Variants in BCAR3 observed in about 807,000 individuals in gnomAD.
BCAR3 encodes BCAR3 adaptor protein, NSP family member, also known as breast cancer anti-estrogen resistance protein 3.
In BCAR3, 37 loss-of-function variants were observed where a neutral mutation model predicts 80.1. That is an observed-to-expected ratio of 0.46 (90% CI 0.36 to 0.61). The LOEUF is 0.61. Among genes scored for constraint, BCAR3 ranks in the 20% least tolerant of loss-of-function variants. The probability of loss-of-function intolerance (pLI) is 0.00; values close to 1 mark genes in which losing one functional copy is unlikely to be tolerated. For missense variants in BCAR3, 978 were observed against 1,068.2 expected, an observed-to-expected ratio of 0.92 and a Z score of 1.18; for synonymous variants, 389 against 418.9, an observed-to-expected ratio of 0.93 and a Z score of 0.87.
Position 93,681,798 on chromosome 1 carries a change from C to G in BCAR3, c.-212G>C, listed in dbSNP as rs902616811. ...CGCCCCGCAGCTCCGGCTCCGGTCC[C>G]GGCCCCGTCCCCCGCCCGGCCAGCA... On this transcript the variant is annotated 5_prime_UTR_variant, in exon 1 of 12. Coordinates refer to ENST00000260502, the MANE Select transcript of BCAR3 (RefSeq NM_003567.4). The G allele has an allele frequency of 3.9e-5, 6 of 152,106 alleles. No individual in the cohort carries two copies. In the East Asian group the frequency reaches 1.2e-3, roughly 29 times the overall value. The allele number at this position is 152,106 out of a possible 1,614,324, so 9.4% of individuals were successfully genotyped here.
At chr1:93,564,116 ATGCCTTC>A (rs1300902024) in intron 11 of BCAR3, among the ~76,000 whole-genome samples, 1 of 151,880 alleles carries the variant, frequency 6.6e-6, no homozygotes, top group Non-Finnish European at 1.5e-5. Context: ...TGTCATTTGT[ATGCCTTC>A]TCTGATGTAG....
At chr1:93,828,123 C>T (rs926649272) in intron 2 of BCAR3, among the ~76,000 whole-genome samples, 11 of 152,142 alleles carry the variant, frequency 7.2e-5, no homozygotes, top group Non-Finnish European at 1.3e-4. Flanking sequence ...CAGAGCAAGA[C>T]CCTGTCTCTA....
chr1:93,666,970 G>A (rs996684756), intron 2 of BCAR3, among the ~76,000 whole-genome samples: 5 of 152,186 alleles, frequency 3.3e-5, no homozygotes, highest in African/African-American at 1.2e-4. Flanking sequence ...AAGGAAGGAA[G>A]GAAATCCATC....
intron 2 of BCAR3, among the ~76,000 whole-genome samples, chr1:93,834,740 C>T (rs996627108): frequency 6.6e-6 from 1 of 152,226 alleles, no homozygotes; most frequent in Non-Finnish European, 1.5e-5. Context: ...TTCTTCCTCA[C>T]ATCTGATGCA....
In BCAR3 at chr1:93,592,184, G is replaced by T; in HGVS notation, c.486+81C>A. The T allele has an allele frequency of 3.8e-6, 6 of 1,572,916 alleles. No individual in the cohort carries two copies. Among genetic ancestry groups the T allele is most frequent in the Non-Finnish European group, 4.3e-6 (5 of 1,162,718 alleles). On this transcript the variant is annotated intron_variant, in intron 4 of 11. Coordinates refer to ENST00000260502, the MANE Select transcript of BCAR3 (RefSeq NM_003567.4). This position sits in a 1 kb window ranked among gnomAD's most constrained non-coding sequence, Gnocchi z 4.8. ...CAGGTGCTTCCGCCCATGTGGCCTC[G>T]GAGTGGGACCCTGCGGGTCATCAAT...
At chr1:93,794,110 G>C in intron 2 of BCAR3, among the ~76,000 whole-genome samples, 1 of 22,030 alleles carries the variant, frequency 4.5e-5, no homozygotes, top group Non-Finnish European at 6.7e-5. Flanking sequence ...GTGGTGTGGT[G>C]CTGAAAAAAA....
chr1:93,582,183 G>T, intron 7 of BCAR3, 118 bp downstream of exon 7: 1 of 1,305,556 alleles, frequency 7.7e-7, no homozygotes, highest in Non-Finnish European at 1.0e-6. Flanking sequence ...GGGTGAGGCA[G>T]AGTGAGGCCA....
intron 3 of BCAR3, chr1:93,599,125 T>C (rs236335): frequency 0.23 from 35,570 of 151,924 alleles, 4,496 homozygotes; most frequent in African/African-American, 0.33. Context: ...CTGTACCAAG[T>C]TGGTCCAATC....
At position 93,562,223 on chromosome 1, in the gene BCAR3, AGGT is replaced by A; in HGVS notation, c.*15_*17del. 1.3e-6 allele frequency: 2 copies of A among 1,598,152 alleles called. No homozygotes were observed. Among genetic ancestry groups the A allele is most frequent in the Middle Eastern group, 1.7e-4 (1 of 5,986 alleles). ...GGGGAAACTTGAAAAGATATTCTAA[AGGT>A]TCTCTGGAGAGTTATCAAAGCTCTG... is the stretch of plus-strand genomic sequence containing the variant. On this transcript the variant is annotated 3_prime_UTR_variant, in exon 12 of 12. Coordinates refer to ENST00000260502, the MANE Select transcript of BCAR3 (RefSeq NM_003567.4).
chr1:93,760,137 G>A (rs1357909464), intron 2 of BCAR3, among the ~76,000 whole-genome samples: 1 of 152,088 alleles, frequency 6.6e-6, no homozygotes, highest in Non-Finnish European at 1.5e-5. Flanking sequence ...AAAAGGCCAT[G>A]GTGAATGAAT....
chr1:93,671,078 C>T (rs1449354931), intron 2 of BCAR3, among the ~76,000 whole-genome samples: 1 of 152,148 alleles, frequency 6.6e-6, no homozygotes, highest in African/African-American at 2.4e-5. Flanking sequence ...CTGCAACCTC[C>T]ACCTCCCAGG....
chr1:93,775,164 A>G (rs1283591596), intron 2 of BCAR3: 1 of 152,230 alleles, frequency 6.6e-6, no homozygotes, highest in Admixed American at 6.5e-5. Flanking sequence ...CCTCAGTCCT[A>G]GAATCTTTCA....
At chr1:93,788,784 CTGTT>C (rs1653038625) in intron 2 of BCAR3, among the ~76,000 whole-genome samples, 1 of 152,120 alleles carries the variant, frequency 6.6e-6, no homozygotes, top group Admixed American at 6.5e-5. Context: ...TTTTTGGGCA[CTGTT>C]TGGGCATCCT....
intron 2 of BCAR3, among the ~76,000 whole-genome samples, chr1:93,760,616 A>AAAC (rs201870291): frequency 0.017 from 2,612 of 152,178 alleles, 70 homozygotes; most frequent in African/African-American, 0.059. Flanking sequence ...CTTAAAAAAA[A>AAAC]AAAGAAGAAG....
At chr1:93,699,258 G>A (rs1248597192) in intron 3 of BCAR3, among the ~76,000 whole-genome samples, 2 of 152,190 alleles carry the variant, frequency 1.3e-5, no homozygotes, top group Non-Finnish European at 2.9e-5. Context: ...CTCACACTGT[G>A]TCACCTGCAG....
rs879859374 is a variant in BCAR3 at position 93,845,488 on chromosome 1, A to C, written c.-63+79T>G. 1.4e-3 allele frequency: 92 copies of C among 65,088 alleles called. 4 individuals are homozygous for C. The highest frequency in any genetic ancestry group is 4.3e-3 in the Admixed American group (28 of 6,570). 4.0% of individuals were successfully genotyped at this position (65,088 alleles called of 1,614,324 possible). ...TATATATATATATATATATATATAT[A>C]TATATATATATATAAAACTTTGTTT... On this transcript the variant is annotated intron_variant, in intron 2 of 13. Transcript: ENST00000370244.
chr1:93,750,331 C>T (rs972890544), intron 2 of BCAR3, among the ~76,000 whole-genome samples: 98 of 152,348 alleles, frequency 6.4e-4, no homozygotes, highest in African/African-American at 2.3e-3. Context: ...CTTTCCGAGG[C>T]TGTTTCCACA....
At chr1:93,589,665 C>T (rs904014049) in intron 4 of BCAR3, among the ~76,000 whole-genome samples, 1 of 152,216 alleles carries the variant, frequency 6.6e-6, no homozygotes, top group Non-Finnish European at 1.5e-5. Flanking sequence ...GTGACAGTGG[C>T]ACACAAGAGC....
intron 2 of BCAR3, among the ~76,000 whole-genome samples, chr1:93,841,667 A>G (rs905665398): frequency 1.3e-5 from 2 of 152,220 alleles, no homozygotes; most frequent in African/African-American, 4.8e-5. Flanking sequence ...TACCAGTCTA[A>G]GTCTTTCAAT....
Sources: allele counts gnomAD v4.1 joint callset (sites outside exome capture counted in the v4.1 genomes callset), GRCh38; gene constraint gnomAD v4.1.1; non-coding constraint Gnocchi (gnomAD v3.1); transcripts MANE v1.5; gene names NCBI Gene and HGNC (gene_info 2026-07-23, HGNC 2026-07-21).